FAM149A: variants seen among roughly 807,000 people sequenced by gnomAD.
The protein encoded by FAM149A is protein FAM149A.
FAM149A carries 71 observed loss-of-function variants against 78.2 expected under a neutral mutation model. The ratio of observed to expected loss-of-function variants is 0.91; its 90% CI spans 0.75 to 1.11. The LOEUF (loss-of-function observed/expected upper bound fraction) is 1.11, where lower values mean the gene tolerates loss of function less well. FAM149A is among the 50% of genes least tolerant of loss of function. The pLI, the probability that FAM149A is intolerant of heterozygous loss-of-function variation, is 0.00. For synonymous variants in FAM149A, 446 were observed against 410.5 expected, an observed-to-expected ratio of 1.09 and a Z score of -1.04; for missense variants, 1,036 against 971.0, an observed-to-expected ratio of 1.07 and a Z score of -0.89.
Position 186,157,729 on chromosome 4 carries a change from T to C in FAM149A, c.1575+10T>C, listed in dbSNP as rs1464830705. 2.5e-6 allele frequency: 4 copies of C among 1,598,814 alleles called. No homozygotes were observed. Among genetic ancestry groups the C allele is most frequent in the Non-Finnish European group, 2.6e-6 (3 of 1,171,856 alleles). The stretch of plus-strand genomic sequence containing the variant: ...TCTGAACCCGCCCCAGGTCGGTGCT[T>C]TCACACCCTTCTCCCTCTTGCCTTC... On this transcript the variant is annotated intron_variant, in intron 8 of 13. Coordinates refer to ENST00000389354, the MANE Select transcript of FAM149A (RefSeq NM_001367768.3).
intron 1 of FAM149A, chr4:186,133,234 AG>A: frequency 1.0e-6 from 1 of 976,868 alleles, no homozygotes; most frequent in South Asian, 4.7e-5. Flanking sequence ...AACAATTTTA[AG>A]TGTACCATTT....
At position 186,167,007 on chromosome 4, in the gene FAM149A, A is replaced by G. The variant is rs775628305; in HGVS notation, c.2050A>G (p.Met684Val). ...TCTACAAAACCGTGTGTTGAGTGCC[A>G]TGCCTGACGGTACAGAACGATCGCG... Residue 684 changes from methionine to valine, a missense_variant, in exon 12 of 14, where the codon ATG (methionine) becomes GTG (valine). Transcript: ENST00000389354. 5.6e-6 allele frequency: 9 copies of G among 1,613,998 alleles called. 1 individual carries two copies. In the East Asian group the frequency reaches 1.6e-4, roughly 28 times the overall value.
intron 8 of FAM149A, among the ~76,000 whole-genome samples, chr4:186,162,497 C>CGAGGGA (rs1282558893): frequency 2.6e-5 from 4 of 152,208 alleles, no homozygotes; most frequent in Non-Finnish European, 5.9e-5. Context: ...GACTGAAGCA[C>CGAGGGA]GGCTCTGCTT....
intron 4 of FAM149A, chr4:186,153,293 A>C: frequency 1.2e-5 from 11 of 939,382 alleles, no homozygotes; most frequent in Non-Finnish European, 1.4e-5. Flanking sequence ...ATTAGTTAAT[A>C]TGTATGGAGG....
In FAM149A at chr4:186,162,919, G is replaced by C; in HGVS notation, c.1650G>C (p.Arg550=). The change falls in exon 9 of 14, where the codon CGG becomes CGC. Residue 550 remains arginine (R), a synonymous_variant. Coordinates refer to ENST00000389354, the MANE Select transcript of FAM149A (RefSeq NM_001367768.3). ...CAATTCAAGCAAAACCGCTTCAGCG[G>C]AGACCTGCCTATTTTGCTGACAGAA... 1.2e-6 allele frequency: 2 copies of C among 1,610,666 alleles called. No homozygotes were observed. The highest frequency in any genetic ancestry group is 2.2e-5 in the South Asian group (2 of 90,952).
chr4:186,148,984 G>A (rs1292680178), intron 1 of FAM149A, among the ~76,000 whole-genome samples, 189 bp from the exon 2 acceptor site: 1 of 143,702 alleles, frequency 7.0e-6, no homozygotes, highest in Non-Finnish European at 1.5e-5. Context: ...CTAAGTCTCA[G>A]TTTCATCAGG....
chr4:186,136,579 G>A (rs1297522106), intron 1 of FAM149A, among the ~76,000 whole-genome samples: 2 of 152,146 alleles, frequency 1.3e-5, no homozygotes, highest in Non-Finnish European at 2.9e-5. Context: ...TTTTCTATAA[G>A]CTTGTGGACC....
At chr4:186,118,709 T>C (rs1199873486) in intron 1 of FAM149A, among the ~76,000 whole-genome samples, 1 of 152,178 alleles carries the variant, frequency 6.6e-6, no homozygotes, top group East Asian at 1.9e-4. Context: ...ATTCAGATAG[T>C]ATCCTCTGAT....
chr4:186,132,962 T>A (rs1270335489), intron 1 of FAM149A: 1 of 985,194 alleles, frequency 1.0e-6, no homozygotes. Flanking sequence ...TGGAGATGGA[T>A]TTTTTAAAAG....
intron 8 of FAM149A, chr4:186,158,876 T>A: frequency 1.2e-6 from 1 of 847,192 alleles, no homozygotes; most frequent in Non-Finnish European, 1.4e-6. Flanking sequence ...ACCAGCAAGA[T>A]GGAAATAAGG....
At chr4:186,149,839 G>A in intron 3 of FAM149A, 135 bp downstream of exon 3, 2 of 468,480 alleles carry the variant, frequency 4.3e-6, no homozygotes, top group Non-Finnish European at 6.5e-6. Flanking sequence ...ACATGTAAAA[G>A]CATGTACATG....
intron 1 of FAM149A, chr4:186,110,276 CTT>C (rs2099310647): frequency 1.0e-6 from 1 of 985,248 alleles, no homozygotes. Flanking sequence ...TGTCTTAGGT[CTT>C]TTTGTTTCAT....
At chr4:186,118,941 A>G (rs1188023631) in intron 1 of FAM149A, among the ~76,000 whole-genome samples, 1 of 152,198 alleles carries the variant, frequency 6.6e-6, no homozygotes, top group Non-Finnish European at 1.5e-5. Flanking sequence ...AGTAGAGTCT[A>G]TTGCTTTCTC....
At position 186,151,999 on chromosome 4, in the gene FAM149A, C is replaced by CT; in HGVS notation, c.887dup (p.Leu297AlafsTer26). The CT allele has an allele frequency of 6.2e-7, 1 of 1,614,170 alleles. No homozygotes were observed. Among genetic ancestry groups the CT allele is most frequent in the Non-Finnish European group, 8.5e-7 (1 of 1,180,038 alleles). ...GAAAGTGAACCCTCAGACCCAGAGT[C>CT]TGCTGGCCGAATGCGGGGAGTGGAC... On this transcript the variant is annotated frameshift_variant, in exon 4 of 14. Transcript: ENST00000389354. LOFTEE classifies it high-confidence loss of function.
intron 8 of FAM149A, among the ~76,000 whole-genome samples, chr4:186,162,581 A>G (rs1734693924): frequency 6.6e-6 from 1 of 152,208 alleles, no homozygotes; most frequent in Admixed American, 6.5e-5. Flanking sequence ...CTCCGGGTGC[A>G]GGAACCTCTC....
At chr4:186,122,897 A>G (rs1414150890) in intron 1 of FAM149A, 4 of 272,696 alleles carry the variant, frequency 1.5e-5, no homozygotes, top group African/African-American at 4.6e-5. Flanking sequence ...TCCAAATTTC[A>G]TATTTCCACC....
At position 186,174,924 on chromosome 4, in the gene FAM149A, AAG is replaced by A. The variant is rs1304690611; in HGVS notation, c.*2939_*2940del. ...AGAATTAATCTATTAAAAATTAAAAAAGAAAAATTGAACTACTTCTGAGATAG... is the reference window on the plus strand; with the variant it reads ...AGAATTAATCTATTAAAAATTAAAAAAAAAATTGAACTACTTCTGAGATAG... On this transcript the variant is annotated 3_prime_UTR_variant, in exon 14 of 14. Coordinates refer to ENST00000389354, the MANE Select transcript of FAM149A (RefSeq NM_001367768.3). 8.9e-5 allele frequency among the ~76,000 whole-genome samples: 10 copies of A among 111,952 alleles called. 3 individuals are homozygous for A. Among genetic ancestry groups the A allele is most frequent in the African/African-American group, 2.8e-4 (10 of 36,036 alleles). 73.4% of individuals were successfully genotyped at this position (111,952 alleles called of 152,430 possible).
chr4:186,116,714 C>G, intron 1 of FAM149A: 2 of 971,334 alleles, frequency 2.1e-6, no homozygotes, highest in East Asian at 1.1e-4. Flanking sequence ...TCTCCTGCCT[C>G]AGACTTCTGA....
At chr4:186,145,224 T>G in intron 1 of FAM149A, 1 of 848,758 alleles carries the variant, frequency 1.2e-6, no homozygotes, top group African/African-American at 1.8e-5. Flanking sequence ...CTGCAGGCAC[T>G]CGGGAAGCGT....
Sources: allele counts gnomAD v4.1 joint callset (sites outside exome capture counted in the v4.1 genomes callset), GRCh38; gene constraint gnomAD v4.1.1; transcripts MANE v1.5; gene names NCBI Gene and HGNC (gene_info 2026-07-23, HGNC 2026-07-21).